Variants in NCOR2 observed in about 807,000 individuals in gnomAD.
NCOR2 encodes nuclear receptor corepressor 2, also known as CTG repeat protein 26.
Under a neutral mutation model 262.9 loss-of-function variants are expected in NCOR2, and 81 were observed. The observed-to-expected ratio is 0.31, with a 90% CI of 0.26 to 0.37. The LOEUF is 0.37. Among genes scored for constraint, NCOR2 ranks in the 10% least tolerant of loss-of-function variants. The pLI is 1.00. For missense variants in NCOR2, 3,385 were observed against 3,621.4 expected, an observed-to-expected ratio of 0.93 and a Z score of 1.68; for synonymous variants, 1,659 against 1,559.3, an observed-to-expected ratio of 1.06 and a Z score of -1.51.
At chr12:124,425,759 A>G (rs2043503551) in intron 11 of NCOR2, among the ~76,000 whole-genome samples, 1 of 151,968 alleles carries the variant, frequency 6.6e-6, no homozygotes, top group African/African-American at 2.4e-5. Context: ...ACCATTCCCT[A>G]TACAGCCTCT....
At chr12:124,387,196 TTTCA>T (rs373449303) in intron 16 of NCOR2, among the ~76,000 whole-genome samples, 14,344 of 147,236 alleles carry the variant, frequency 0.097, 666 homozygotes, top group Middle Eastern at 0.12. Context: ...GTGTTGGTAT[TTTCA>T]TTCATTCATT....
At position 124,457,343 on chromosome 12, in the gene NCOR2, A is replaced by T. The variant is rs895605689; in HGVS notation, c.706-181T>A. Among the ~76,000 whole-genome samples the T allele has an allele frequency of 1.3e-5, 2 of 151,382 alleles. No individual in the cohort carries two copies. The highest frequency in any genetic ancestry group is 1.3e-4 in the Admixed American group (2 of 15,234). Reference sequence around the variant, plus strand: ...CTCCCCACGCTGGAAAAAAACACAGAGGAGCCTCAATACCCCCACAGCGGC... The same window carrying T: ...CTCCCCACGCTGGAAAAAAACACAGTGGAGCCTCAATACCCCCACAGCGGC... On this transcript the variant is annotated intron_variant, in intron 5 of 46. Transcript: ENST00000405201. The surrounding 1 kb of genome is among the most constrained non-coding windows in gnomAD (Gnocchi z 4.0).
chr12:124,519,544 G>A (rs922138963), intron 1 of NCOR2, among the ~76,000 whole-genome samples: 11 of 152,328 alleles, frequency 7.2e-5, no homozygotes, highest in African/African-American at 2.6e-4. Flanking sequence ...GAAGGCTGGT[G>A]TGGCCGGGGC....
intron 7 of NCOR2, among the ~76,000 whole-genome samples, chr12:124,439,937 C>T (rs1449147074): frequency 1.3e-5 from 2 of 151,970 alleles, no homozygotes; most frequent in African/African-American, 2.4e-5. Context: ...GTTCTGGAGC[C>T]CACGCCATGA....
chr12:124,325,379 C>CGGGGG, exon 47 of NCOR2: 1 of 317,186 alleles, frequency 3.2e-6, no homozygotes, highest in Admixed American at 7.2e-5. Flanking sequence ...CTGACACCGC[C>CGGGGG]CCCCCCCCCG....
At chr12:124,380,466 A>G (rs1362520288) in intron 17 of NCOR2, among the ~76,000 whole-genome samples, 1 of 152,136 alleles carries the variant, frequency 6.6e-6, no homozygotes, top group African/African-American at 2.4e-5. Flanking sequence ...AGGGATGCCC[A>G]GCTCTGCAAC....
chr12:124,442,883 C>A (rs1190426882), intron 7 of NCOR2, among the ~76,000 whole-genome samples: 1 of 152,206 alleles, frequency 6.6e-6, no homozygotes, highest in Non-Finnish European at 1.5e-5. Context: ...AAGACAGACA[C>A]ACACGGAGGG....
chr12:124,353,426 T>C (rs866287026), intron 27 of NCOR2, among the ~76,000 whole-genome samples: 17 of 152,334 alleles, frequency 1.1e-4, no homozygotes, highest in Middle Eastern at 3.4e-3. Context: ...GGCTCCTCTG[T>C]GGTGGGATTT....
In NCOR2 at chr12:124,430,802, G is replaced by A. The variant is rs762851833; in HGVS notation, c.883-15C>T. ...AACTTCTGCTCCTGGGAGAGCGCAG[G>A]GGGCACTGCGGAAGATGCTCCTGCA... On this transcript the variant is annotated splice_polypyrimidine_tract_variant and intron_variant, in intron 8 of 46. Coordinates refer to ENST00000405201, the Ensembl canonical transcript of NCOR2. 1.3e-6 allele frequency: 2 copies of A among 1,590,426 alleles called. No homozygotes were observed. Among genetic ancestry groups the A allele is most frequent in the African/African-American group, 1.3e-5 (1 of 74,308 alleles).
At chr12:124,463,469 C>T (rs2046274399) in intron 5 of NCOR2, among the ~76,000 whole-genome samples, 1 of 152,228 alleles carries the variant, frequency 6.6e-6, no homozygotes, top group African/African-American at 2.4e-5. Context: ...CACACCTGCC[C>T]GGCCCCCACC....
chr12:124,483,452 CTG>C lies in NCOR2; in HGVS notation c.411+142_411+143del, dbSNP rs1334979696. On this transcript the variant is annotated intron_variant, in intron 3 of 46. Transcript: ENST00000405201. The surrounding 1 kb of genome is among the most constrained non-coding windows in gnomAD (Gnocchi z 6.3). ...CCTGCCCTCTTCCTGCCACCCAGCT[CTG>C]TGCACCCGGTGCTTGGCCCACCTCC... The C allele has an allele frequency of 1.1e-6, 1 of 882,018 alleles. No individual in the cohort carries two copies. Among genetic ancestry groups the C allele is most frequent in the Non-Finnish European group, 1.6e-6 (1 of 606,488 alleles). The allele number at this position is 882,018 out of a possible 1,614,324, so 54.6% of individuals were successfully genotyped here.
chr12:124,404,760 C>T (rs2042185405), intron 13 of NCOR2, among the ~76,000 whole-genome samples: 1 of 152,228 alleles, frequency 6.6e-6, no homozygotes, highest in Non-Finnish European at 1.5e-5. Flanking sequence ...ACTATGTGCC[C>T]AGCACTGTGC....
At chr12:124,453,952 G>A (rs1472292208) in intron 6 of NCOR2, among the ~76,000 whole-genome samples, 1 of 152,204 alleles carries the variant, frequency 6.6e-6, no homozygotes, top group African/African-American at 2.4e-5. Flanking sequence ...AGGGGCGTTG[G>A]AACTGCAGCT....
chr12:124,380,244 G>A (rs1033113097), intron 17 of NCOR2, among the ~76,000 whole-genome samples: 3 of 152,158 alleles, frequency 2.0e-5, no homozygotes, highest in African/African-American at 7.2e-5. Flanking sequence ...GAGGAGAGGG[G>A]GTCTCGGGCT....
chr12:124,467,280 CATCACCCTCATCCT>C (rs1289407190), intron 4 of NCOR2, among the ~76,000 whole-genome samples: 58 of 56,186 alleles, frequency 1.0e-3, no homozygotes, highest in East Asian at 1.4e-3. Context: ...CTCATCACCC[CATCACCCTCATCCT>C]CATCACCCTC....
Position 124,483,079 on chromosome 12 carries a change from C to T in NCOR2, c.411+517G>A, listed in dbSNP as rs901394655. Among the ~76,000 whole-genome samples, 1 of 152,076 alleles carries T rather than the reference C, an allele frequency of 6.6e-6. No individual in the cohort carries two copies. Among genetic ancestry groups the T allele is most frequent in the African/African-American group, 2.4e-5 (1 of 41,404 alleles). ...AGCCCTGAGCTGTCCACCTCGCGGGCCGGGGTTCAAGGCCCAGGGGGCTGC... is the reference window on the plus strand; with the variant it reads ...AGCCCTGAGCTGTCCACCTCGCGGGTCGGGGTTCAAGGCCCAGGGGGCTGC... On this transcript the variant is annotated intron_variant, in intron 3 of 46. Transcript: ENST00000405201. This position sits in a 1 kb window ranked among gnomAD's most constrained non-coding sequence, Gnocchi z 6.3.
chr12:124,457,734 T>G lies in NCOR2; in HGVS notation c.706-572A>C, dbSNP rs2045956749. Reference sequence around the variant, plus strand: ...TCCCCACTCACAACTGGGGACTTATTAGGAAAACAGGAACATGTGGCGCAG... The same window carrying G: ...TCCCCACTCACAACTGGGGACTTATGAGGAAAACAGGAACATGTGGCGCAG... On this transcript the variant is annotated intron_variant, in intron 5 of 46. Coordinates refer to ENST00000405201, the Ensembl canonical transcript of NCOR2. The surrounding 1 kb of genome is among the most constrained non-coding windows in gnomAD (Gnocchi z 4.0). 6.6e-6 allele frequency among the ~76,000 whole-genome samples: 1 copy of G among 152,026 alleles called. No homozygotes were observed. The highest frequency in any genetic ancestry group is 2.1e-4 in the South Asian group (1 of 4,822).
chr12:124,381,267 T>C (rs1039055802), intron 17 of NCOR2, among the ~76,000 whole-genome samples: 1 of 152,164 alleles, frequency 6.6e-6, no homozygotes, highest in Admixed American at 6.5e-5. Context: ...TTCCCCTGCC[T>C]GGACACCCTT....
intron 27 of NCOR2, among the ~76,000 whole-genome samples, chr12:124,353,786 G>C (rs1470364969): frequency 3.3e-5 from 5 of 152,222 alleles, no homozygotes; most frequent in Admixed American, 2.0e-4. Flanking sequence ...TCCGTGGCCA[G>C]GCATTCTCAG....
Sources: gnomAD v4.1 joint callset for allele counts (sites outside exome capture counted in the v4.1 genomes callset) on GRCh38, gnomAD v4.1.1 for gene constraint, Gnocchi (gnomAD v3.1) non-coding constraint, MANE v1.5 for transcripts, NCBI Gene and HGNC (gene_info 2026-07-23, HGNC 2026-07-21) for gene names.